The following ERBB4 variants were observed in gnomAD, a reference collection of about 807,000 sequenced individuals.
The protein encoded by ERBB4 is receptor tyrosine-protein kinase erbB-4.
ERBB4 carries 42 observed loss-of-function variants against 158.0 expected under a neutral mutation model. The ratio of observed to expected loss-of-function variants is 0.27; its 90% CI spans 0.21 to 0.34. ERBB4 has a LOEUF of 0.34. Among genes scored for constraint, ERBB4 ranks in the 10% least tolerant of loss-of-function variants. The pLI is 1.00. For synonymous variants in ERBB4, 583 were observed against 558.7 expected, an observed-to-expected ratio of 1.04 and a Z score of -0.61; for missense variants, 1,333 against 1,624.1, an observed-to-expected ratio of 0.82 and a Z score of 3.08.
chr2:212,156,413 G>C (rs185890515), intron 1 of ERBB4, among the ~76,000 whole-genome samples: 226 of 152,198 alleles, frequency 1.5e-3, no homozygotes, highest in Middle Eastern at 0.01. Context: ...AATAGAAGTG[G>C]TGGATAGGAA....
intron 1 of ERBB4, among the ~76,000 whole-genome samples, chr2:212,484,564 A>C (rs1262123416): frequency 1.3e-5 from 2 of 152,248 alleles, no homozygotes; most frequent in African/African-American, 2.4e-5. Context: ...ATTTTTAATA[A>C]GGTAAAAAGG....
chr2:212,066,680 T>C (rs970806282), intron 2 of ERBB4, among the ~76,000 whole-genome samples: 1 of 152,010 alleles, frequency 6.6e-6, no homozygotes, highest in Non-Finnish European at 1.5e-5. Context: ...ATTGTGTAAC[T>C]CTCTTATCAG....
Position 211,802,031 on chromosome 2 carries a change from G to A in ERBB4, c.422-13872C>T, listed in dbSNP as rs560538653. ...TCCCTGCACTTTGGGAGGCCGAGGC[G>A]GGCGGATCACGAGGTCAGGAGATCG... On this transcript the variant is annotated intron_variant, in intron 3 of 27. Transcript: ENST00000342788. 1.6e-4 allele frequency among the ~76,000 whole-genome samples: 24 copies of A among 152,212 alleles called. No individual in the cohort carries two copies. The South Asian group carries it at 3.1e-3, about 20-fold the overall frequency.
chr2:212,031,388 A>C (rs1276443067), intron 2 of ERBB4, among the ~76,000 whole-genome samples: 1 of 152,270 alleles, frequency 6.6e-6, no homozygotes, highest in African/African-American at 2.4e-5. Context: ...CATATATTAG[A>C]AATTAGAAAA....
At chr2:212,338,538 T>A (rs978420794) in intron 1 of ERBB4, among the ~76,000 whole-genome samples, 1 of 152,178 alleles carries the variant, frequency 6.6e-6, no homozygotes, top group African/African-American at 2.4e-5. Context: ...TATTTTGTCA[T>A]CTTTCTCTTA....
intron 20 of ERBB4, among the ~76,000 whole-genome samples, chr2:211,452,005 T>C (rs2064257191): frequency 2.3e-5 from 1 of 43,712 alleles, no homozygotes; most frequent in African/African-American, 2.1e-4. Context: ...GTAGAAATTT[T>C]AGAAAAATCT....
intron 5 of ERBB4, among the ~76,000 whole-genome samples, chr2:211,737,004 G>T (rs554039564): frequency 1.3e-5 from 2 of 151,990 alleles, no homozygotes; most frequent in Admixed American, 6.6e-5. Context: ...CGATAAAGAG[G>T]GTATTACTTA....
chr2:211,380,670 T>C lies in ERBB4; in HGVS notation c.*2945A>G. 1 of 231,966 alleles carries C rather than the reference T, an allele frequency of 4.3e-6. No individual in the cohort carries two copies. The highest frequency in any genetic ancestry group is 6.1e-5 in the East Asian group (1 of 16,370). 14.4% of individuals were successfully genotyped at this position (231,966 alleles called of 1,614,324 possible). ...ATAAAACAAAAAACACTCAAACAAC[T>C]GAAGTCAATTATATACTACAGAAAT... On this transcript the variant is annotated 3_prime_UTR_variant, in exon 28 of 28. Transcript: ENST00000342788.
chr2:212,321,983 G>A (rs868409790), intron 1 of ERBB4, among the ~76,000 whole-genome samples: 1 of 150,044 alleles, frequency 6.7e-6, no homozygotes, highest in African/African-American at 2.4e-5. Flanking sequence ...AATTAATAGA[G>A]AATAATACGA....
chr2:212,102,728 T>A (rs2079120179), intron 2 of ERBB4, among the ~76,000 whole-genome samples: 1 of 152,148 alleles, frequency 6.6e-6, no homozygotes, highest in African/African-American at 2.4e-5. Context: ...ATTTCCTAAG[T>A]GGAGCTATAG....
intron 3 of ERBB4, among the ~76,000 whole-genome samples, chr2:211,808,832 G>A (rs1238071159): frequency 6.6e-6 from 1 of 152,118 alleles, no homozygotes; most frequent in East Asian, 1.9e-4. Flanking sequence ...TCTCCTTGAA[G>A]AGTCTTTCAC....
intron 14 of ERBB4, among the ~76,000 whole-genome samples, chr2:211,667,234 A>T (rs1338930367): frequency 2.0e-5 from 3 of 152,236 alleles, no homozygotes; most frequent in Admixed American, 2.0e-4. Flanking sequence ...ACAAATGTTA[A>T]TCCAAGAGCA....
intron 1 of ERBB4, 56 bp from the exon 2 acceptor site, chr2:212,124,959 A>G (rs2079875865): frequency 1.3e-6 from 2 of 1,573,910 alleles, no homozygotes; most frequent in African/African-American, 2.7e-5. Flanking sequence ...GATATGCGCA[A>G]TGATAATATC....
chr2:211,512,784 T>G (rs960391171), intron 20 of ERBB4, among the ~76,000 whole-genome samples: 1 of 152,012 alleles, frequency 6.6e-6, no homozygotes, highest in African/African-American at 2.4e-5. Flanking sequence ...GTTTGGAGAT[T>G]TGCATAATAA....
At chr2:211,947,654 A>G (rs1256066294) in intron 2 of ERBB4, 38 bp from the exon 3 acceptor site, 2 of 1,568,800 alleles carry the variant, frequency 1.3e-6, no homozygotes, top group African/African-American at 2.7e-5. Flanking sequence ...TTATAAAACG[A>G]ATTTGTCACT....
chr2:212,018,654 T>C (rs1323129930), intron 2 of ERBB4, among the ~76,000 whole-genome samples: 1 of 152,148 alleles, frequency 6.6e-6, no homozygotes, highest in Non-Finnish European at 1.5e-5. Context: ...GATAATTTTA[T>C]AGGGTTCATA....
chr2:212,192,757 GATATCT>G (rs1305493656), intron 1 of ERBB4, among the ~76,000 whole-genome samples: 1 of 130,972 alleles, frequency 7.6e-6, no homozygotes, highest in African/African-American at 2.9e-5. Context: ...TAGTCCACCT[GATATCT>G]GAAAAGTTTG....
intron 14 of ERBB4, among the ~76,000 whole-genome samples, chr2:211,669,499 T>G (rs2105929813): frequency 6.6e-6 from 1 of 152,244 alleles, no homozygotes; most frequent in East Asian, 1.9e-4. Flanking sequence ...CTTGTCTTTC[T>G]TCTCATATTT....
intron 3 of ERBB4, among the ~76,000 whole-genome samples, chr2:211,933,866 C>G (rs576957607): frequency 9.2e-5 from 14 of 151,960 alleles, no homozygotes; most frequent in African/African-American, 3.1e-4. Flanking sequence ...TCTTTATTTC[C>G]AAAATATGTG....
Sources: allele counts gnomAD v4.1 joint callset (sites outside exome capture counted in the v4.1 genomes callset), GRCh38; gene constraint gnomAD v4.1.1; transcripts MANE v1.5; gene names NCBI Gene and HGNC (gene_info 2026-07-23, HGNC 2026-07-21).